Variants in RAC2 observed in about 807,000 individuals in gnomAD.
RAC2 encodes Rac family small GTPase 2.
In RAC2, 1 loss-of-function variant was observed where a neutral mutation model predicts 24.0. The observed-to-expected ratio is 0.04, with a 90% confidence interval of 0.01 to 0.20. The LOEUF (loss-of-function observed/expected upper bound fraction) is 0.20. RAC2 is among the 10% of genes least tolerant of loss of function. RAC2 has a pLI of 1.00. For synonymous variants in RAC2, 114 were observed against 106.8 expected (o/e 1.07, Z -0.41); for missense variants, 130 against 259.1 (o/e 0.50, Z 3.42).
At chr22:37,232,089 G>T (rs1927083760) in intron 3 of RAC2, 95 bp from the exon 4 acceptor site, 1 of 1,266,712 alleles carries the variant, frequency 7.9e-7, no homozygotes, top group South Asian at 1.3e-5. Flanking sequence ...CTCCCTGAGG[G>T]TGGAACACCC....
rs1352198113 is a variant in RAC2, at chr22:37,225,873, G to A, written c.*169C>T. 3.9e-5 allele frequency: 6 copies of A among 152,386 alleles called. No homozygotes were observed. The highest frequency in any genetic ancestry group is 1.4e-4 in the African/African-American group (6 of 41,438). The allele number at this position is 152,386 out of a possible 1,614,324, so 9.4% of individuals were successfully genotyped here. The stretch of plus-strand genomic sequence containing the variant: ...AGCACCTGCAAATTTGCACGTTCCT[G>A]GCCTCAGGAGGCCTCCAGTACAGAA... On this transcript the variant is annotated 3_prime_UTR_variant, in exon 7 of 7. Coordinates refer to ENST00000249071, the MANE Select transcript of RAC2 (RefSeq NM_002872.5).
Position 37,232,746 on chromosome 22 carries a change from A to G in RAC2, c.225+55T>C, listed in dbSNP as rs1020887270. ...AGCTGGCTGGAAGGGCATCCCAAGCAGAGGGAACAGAGACAGCAAAGGTCA... is the reference window on the plus strand; with the variant it reads ...AGCTGGCTGGAAGGGCATCCCAAGCGGAGGGAACAGAGACAGCAAAGGTCA... On this transcript the variant is annotated intron_variant, in intron 3 of 6. Transcript: ENST00000249071. 16 of 1,457,364 alleles carry G rather than the reference A, an allele frequency of 1.1e-5. No homozygotes were observed. In the African/African-American group the frequency reaches 2.2e-4, roughly 20 times the overall value. 90.3% of individuals were successfully genotyped at this position (1,457,364 alleles called of 1,614,324 possible). A position where few individuals can be genotyped will look rare whatever the true frequency, so the allele number is the denominator to read the frequency against.
At chr22:37,235,940 T>C (rs1927209076) in intron 2 of RAC2, among the ~76,000 whole-genome samples, 1 of 152,158 alleles carries the variant, frequency 6.6e-6, no homozygotes, top group African/African-American at 2.4e-5. Context: ...TGTTAGGTCT[T>C]GAAGTCTCAT....
chr22:37,239,479 T>C (rs775183919), intron 2 of RAC2, among the ~76,000 whole-genome samples: 2 of 152,178 alleles, frequency 1.3e-5, no homozygotes, highest in Non-Finnish European at 2.9e-5. Flanking sequence ...GCTTCTGTGA[T>C]GTTGTCCAGG....
At chr22:37,234,645 C>T (rs1927170674) in intron 2 of RAC2, among the ~76,000 whole-genome samples, 1 of 152,178 alleles carries the variant, frequency 6.6e-6, no homozygotes, top group Non-Finnish European at 1.5e-5. Context: ...AGCCGTTTCC[C>T]GGGAAAGGCT....
intron 2 of RAC2, among the ~76,000 whole-genome samples, chr22:37,238,150 G>A (rs974970216): frequency 6.6e-5 from 10 of 152,146 alleles, no homozygotes; most frequent in African/African-American, 1.9e-4. Flanking sequence ...CACGGTTTGC[G>A]CATTAAGATG....
chr22:37,226,850 G>GTGT lies in RAC2; in HGVS notation c.449-48_449-47insACA, dbSNP rs763809527. The GTGT allele has an allele frequency of 1.2e-5, 20 of 1,600,070 alleles. No individual in the cohort carries two copies. The East Asian group carries it at 2.0e-4, about 16-fold the overall frequency. On this transcript the variant is annotated intron_variant, in intron 5 of 6. Transcript: ENST00000249071. ...AGAGCCAAGGCCTAAGTGGCGGGGG[G>GTGT]GGTTCTGGGCCAACATGTCTCCTAT...
chr22:37,240,100 G>A (rs752688057), intron 2 of RAC2, among the ~76,000 whole-genome samples: 1 of 152,160 alleles, frequency 6.6e-6, no homozygotes, highest in Non-Finnish European at 1.5e-5. Context: ...AGGCAGCTGA[G>A]CAGAGTGTCC....
In RAC2 at chr22:37,231,227, A is replaced by T; in HGVS notation, c.448+4T>A. On this transcript the variant is annotated splice_donor_region_variant and intron_variant, in intron 5 of 6. Transcript: ENST00000249071. The surrounding 1 kb of genome is among the most constrained non-coding windows in gnomAD (Gnocchi z 5.5). ...GATCGCCCCTCTGAGCCCGAGGCCCATACCAATCTCCTTGGCCAGTGCCAG... is the reference window on the plus strand; with the variant it reads ...GATCGCCCCTCTGAGCCCGAGGCCCTTACCAATCTCCTTGGCCAGTGCCAG... 1 of 1,613,184 alleles carries T rather than the reference A, an allele frequency of 6.2e-7. No homozygotes were observed. The highest frequency in any genetic ancestry group is 8.5e-7 in the Non-Finnish European group (1 of 1,179,996).
At chr22:37,238,776 G>A (rs1337251968) in intron 2 of RAC2, among the ~76,000 whole-genome samples, 1 of 152,200 alleles carries the variant, frequency 6.6e-6, no homozygotes. Context: ...CCAATATAGG[G>A]TCTATACAAC....
intron 2 of RAC2, among the ~76,000 whole-genome samples, chr22:37,238,205 T>C (rs980083984): frequency 6.6e-6 from 1 of 152,128 alleles, no homozygotes; most frequent in African/African-American, 2.4e-5. Context: ...TAGGCCAGGT[T>C]AACTTTCAGT....
intron 5 of RAC2, among the ~76,000 whole-genome samples, chr22:37,228,196 T>C (rs8137698): frequency 0.22 from 33,166 of 152,086 alleles, 4,578 homozygotes; most frequent in African/African-American, 0.4. Flanking sequence ...ACACGCTGGA[T>C]GTATTCCCTC....
At chr22:37,228,811 G>A (rs1376859356) in intron 5 of RAC2, among the ~76,000 whole-genome samples, 1 of 152,220 alleles carries the variant, frequency 6.6e-6, no homozygotes, top group Non-Finnish European at 1.5e-5. Context: ...GGGTGGGGCA[G>A]GGACGAGGAG....
intron 2 of RAC2, among the ~76,000 whole-genome samples, chr22:37,234,944 C>A (rs758886525): frequency 7.9e-5 from 12 of 152,334 alleles, no homozygotes; most frequent in Non-Finnish European, 1.6e-4. Flanking sequence ...TTCCCTCTCT[C>A]AGGTGACTAC....
Position 37,232,726 on chromosome 22 carries a change from G to T in RAC2, c.225+75C>A, listed in dbSNP as rs561100294. 20 of 1,291,496 alleles carry T rather than the reference G, an allele frequency of 1.5e-5. No homozygotes were observed. The South Asian group carries it at 2.0e-4, about 13-fold the overall frequency. The allele number at this position is 1,291,496 out of a possible 1,614,324, so 80.0% of individuals were successfully genotyped here. On this transcript the variant is annotated intron_variant, in intron 3 of 6. Transcript: ENST00000249071. Reference sequence around the variant, plus strand: ...AGGTAGGGTTTCCCAGGCTGAGCTGGCTGGAAGGGCATCCCAAGCAGAGGG... The same window carrying T: ...AGGTAGGGTTTCCCAGGCTGAGCTGTCTGGAAGGGCATCCCAAGCAGAGGG...
chr22:37,238,966 C>T (rs528341117), intron 2 of RAC2, among the ~76,000 whole-genome samples: 1 of 152,174 alleles, frequency 6.6e-6, no homozygotes, highest in Non-Finnish European at 1.5e-5. Context: ...CAGCAGGGGC[C>T]TCCCCAACCC....
At chr22:37,238,143 G>A (rs1019278270) in intron 2 of RAC2, among the ~76,000 whole-genome samples, 8 of 152,154 alleles carry the variant, frequency 5.3e-5, no homozygotes, top group South Asian at 2.1e-4. Flanking sequence ...TGTTGTTCAC[G>A]GTTTGCGCAT....
At chr22:37,238,921 G>C (rs1365440554) in intron 2 of RAC2, among the ~76,000 whole-genome samples, 1 of 152,176 alleles carries the variant, frequency 6.6e-6, no homozygotes. Flanking sequence ...GCAGCATGGG[G>C]AGCCAGCTCT....
intron 5 of RAC2, among the ~76,000 whole-genome samples, chr22:37,227,809 G>C (rs892609810): frequency 6.6e-6 from 1 of 151,894 alleles, no homozygotes; most frequent in Non-Finnish European, 1.5e-5. Context: ...TAACGTCACC[G>C]TGCCTCAGTT....
Sources: allele counts gnomAD v4.1 joint callset (sites outside exome capture counted in the v4.1 genomes callset), GRCh38; gene constraint gnomAD v4.1.1; non-coding constraint Gnocchi (gnomAD v3.1); transcripts MANE v1.5; gene names NCBI Gene and HGNC (gene_info 2026-07-23, HGNC 2026-07-21).